Variants in DSCAML1 observed in about 807,000 individuals in gnomAD.
The protein encoded by DSCAML1 is DS cell adhesion molecule like 1.
In DSCAML1, 38 loss-of-function variants were observed where a neutral mutation model predicts 200.5. The ratio of observed to expected loss-of-function variants is 0.19; its 90% CI spans 0.15 to 0.25. DSCAML1 has a LOEUF of 0.25. Among genes scored for constraint, DSCAML1 ranks in the 10% least tolerant of loss-of-function variants. The pLI is 1.00. For missense variants in DSCAML1, 2,223 were observed against 2,858.8 expected (o/e 0.78, Z 5.07); for synonymous variants, 1,215 against 1,165.0 (o/e 1.04, Z -0.87).
rs551439516 is a variant in DSCAML1 at position 117,698,562 on chromosome 11, G to T, written c.511+78229C>A. On this transcript the variant is annotated intron_variant, in intron 3 of 32. Transcript: ENST00000651296. ...GTCCCAATTTCTCCACATCCACCTGGGGGTTTGATCTCTTGTTATTATTAT... is the reference window on the plus strand; with the variant it reads ...GTCCCAATTTCTCCACATCCACCTGTGGGTTTGATCTCTTGTTATTATTAT... Among the ~76,000 whole-genome samples, 11 of 152,170 alleles carry T rather than the reference G, an allele frequency of 7.2e-5. No individual in the cohort carries two copies. The South Asian group carries it at 2.3e-3, about 32-fold the overall frequency.
chr11:117,604,335 G>A (rs1245509510), intron 3 of DSCAML1, among the ~76,000 whole-genome samples: 2 of 151,506 alleles, frequency 1.3e-5, no homozygotes, highest in Non-Finnish European at 2.9e-5. Flanking sequence ...GAGAAAGGGT[G>A]ATCATGTTTT....
chr11:117,627,522 C>T (rs2052076466), intron 3 of DSCAML1, among the ~76,000 whole-genome samples: 1 of 152,102 alleles, frequency 6.6e-6, no homozygotes, highest in Non-Finnish European at 1.5e-5. Context: ...GTGCCTTCCC[C>T]TGAGCCGCTG....
At chr11:117,726,098 G>A (rs994974293) in intron 3 of DSCAML1, among the ~76,000 whole-genome samples, 2 of 152,238 alleles carry the variant, frequency 1.3e-5, no homozygotes, top group Non-Finnish European at 2.9e-5. Flanking sequence ...CACCACCCAC[G>A]AGAAGCAGGA....
Position 117,780,457 on chromosome 11 carries a change from C to G in DSCAML1, c.364+36G>C, listed in dbSNP as rs774541575. 1 of 1,415,268 alleles carries G rather than the reference C, an allele frequency of 7.1e-7. No homozygotes were observed. Among genetic ancestry groups the G allele is most frequent in the Non-Finnish European group, 9.3e-7 (1 of 1,080,178 alleles). The allele number at this position is 1,415,268 out of a possible 1,614,324, so 87.7% of individuals were successfully genotyped here. On this transcript the variant is annotated intron_variant, in intron 2 of 32. Coordinates refer to ENST00000651296, the MANE Select transcript of DSCAML1 (RefSeq NM_020693.4). The surrounding 1 kb of genome is among the most constrained non-coding windows in gnomAD (Gnocchi z 4.8). The stretch of plus-strand genomic sequence containing the variant: ...CTCAGAATGACGGCGCAGCCTCCTC[C>G]TGTGCCACTGGGGCAGCCAGTGTCT...
At chr11:117,460,361 G>A (rs1443091026) in intron 18 of DSCAML1, among the ~76,000 whole-genome samples, 1 of 152,152 alleles carries the variant, frequency 6.6e-6, no homozygotes, top group Admixed American at 6.5e-5. Context: ...TGTCTGGGCA[G>A]AGCAGAATCT....
intron 11 of DSCAML1, among the ~76,000 whole-genome samples, chr11:117,495,906 C>T (rs966468475): frequency 1.3e-5 from 2 of 152,218 alleles, no homozygotes; most frequent in African/African-American, 4.8e-5. Context: ...TCTAGTGCAT[C>T]ATGTCCAGAC....
intron 3 of DSCAML1, among the ~76,000 whole-genome samples, chr11:117,555,949 G>A (rs965498298): frequency 6.6e-6 from 1 of 151,878 alleles, no homozygotes; most frequent in Non-Finnish European, 1.5e-5. Flanking sequence ...CTTGAGGAGG[G>A]GCGGGGGAGG....
At chr11:117,605,326 G>C in intron 3 of DSCAML1, among the ~76,000 whole-genome samples, 3 of 152,154 alleles carry the variant, frequency 2.0e-5, no homozygotes, top group Admixed American at 2.0e-4. Context: ...GACCATGCCC[G>C]CACCTCCTGA....
chr11:117,568,057 G>C (rs2050786329), intron 3 of DSCAML1, among the ~76,000 whole-genome samples: 1 of 152,114 alleles, frequency 6.6e-6, no homozygotes, highest in Non-Finnish European at 1.5e-5. Flanking sequence ...TGGGATGCAA[G>C]GCTGGTTCAA....
chr11:117,529,584 C>T (rs2050037009), intron 4 of DSCAML1, among the ~76,000 whole-genome samples: 1 of 152,176 alleles, frequency 6.6e-6, no homozygotes, highest in African/African-American at 2.4e-5. Flanking sequence ...TCTCTCCCCA[C>T]CCCCAGCAAC....
chr11:117,717,920 G>C (rs572874523), intron 3 of DSCAML1, among the ~76,000 whole-genome samples: 2 of 152,300 alleles, frequency 1.3e-5, no homozygotes, highest in East Asian at 3.9e-4. Context: ...AGGAAATGAG[G>C]GGTGAGAAGA....
rs918450456 is a variant in DSCAML1, at chr11:117,480,772, A to G, written c.2657-201T>C. 1.3e-5 allele frequency among the ~76,000 whole-genome samples: 2 copies of G among 152,072 alleles called. No homozygotes were observed. Among genetic ancestry groups the G allele is most frequent in the African/African-American group, 4.8e-5 (2 of 41,412 alleles). On this transcript the variant is annotated intron_variant, in intron 13 of 32. Coordinates refer to ENST00000651296, the MANE Select transcript of DSCAML1 (RefSeq NM_020693.4). This position sits in a 1 kb window ranked among gnomAD's most constrained non-coding sequence, Gnocchi z 4.1. ...TGGCTTGCTCTCCTGTCTTGCTGCCATCTTGTTCTTGGCCTGGGAGAGGGC... is the reference window on the plus strand; with the variant it reads ...TGGCTTGCTCTCCTGTCTTGCTGCCGTCTTGTTCTTGGCCTGGGAGAGGGC...
intron 32 of DSCAML1, among the ~76,000 whole-genome samples, chr11:117,429,520 T>G (rs2047740614): frequency 1.3e-5 from 2 of 152,268 alleles, no homozygotes; most frequent in South Asian, 2.1e-4. Flanking sequence ...TACAGGCACG[T>G]GCCACCATGC....
At chr11:117,667,907 G>C (rs918989784) in intron 3 of DSCAML1, among the ~76,000 whole-genome samples, 4 of 152,194 alleles carry the variant, frequency 2.6e-5, no homozygotes, top group Non-Finnish European at 5.9e-5. Flanking sequence ...AGAAGGGAGG[G>C]ATATGGAATC....
rs866789601 is a variant in DSCAML1, at chr11:117,736,275, G to C, written c.511+40516C>G. 4.6e-5 allele frequency among the ~76,000 whole-genome samples: 7 copies of C among 152,266 alleles called. 1 individual carries two copies. Among genetic ancestry groups the C allele is most frequent in the Middle Eastern group, 6.8e-3 (2 of 294 alleles). ...TCCAGCTTACTCAGGTGTCTGCGTC[G>C]GGCCTTGATCTCTTCTGGCCGTTGG... On this transcript the variant is annotated intron_variant, in intron 3 of 32. Coordinates refer to ENST00000651296, the MANE Select transcript of DSCAML1 (RefSeq NM_020693.4).
intron 12 of DSCAML1, 95 bp downstream of exon 12, chr11:117,481,866 AGG>A: frequency 7.0e-7 from 1 of 1,428,860 alleles, no homozygotes; most frequent in Non-Finnish European, 9.7e-7. Context: ...AGGGGCTCCC[AGG>A]CTCCCCATTT....
chr11:117,568,382 G>C (rs915941698), intron 3 of DSCAML1, among the ~76,000 whole-genome samples: 4 of 152,126 alleles, frequency 2.6e-5, no homozygotes, highest in South Asian at 2.1e-4. Context: ...AGGGCAATCA[G>C]GCAGGAGAAG....
In DSCAML1 at chr11:117,441,259, C is replaced by T. The variant is rs78555546; in HGVS notation, c.3863-1323G>A. Among the ~76,000 whole-genome samples the T allele has an allele frequency of 5.2e-3, 795 of 152,264 alleles. 10 individuals are homozygous for T. Among genetic ancestry groups the T allele is most frequent in the African/African-American group, 0.018 (746 of 41,538 alleles). ...GAGGGGCAGGCTTGGCAGGAAGGAC[C>T]GGATGGCTTCATCTCATACTGAGTC... On this transcript the variant is annotated intron_variant, in intron 21 of 32. Transcript: ENST00000651296.
intron 3 of DSCAML1, among the ~76,000 whole-genome samples, chr11:117,612,199 T>C (rs1187939496): frequency 6.6e-6 from 1 of 152,200 alleles, no homozygotes; most frequent in Non-Finnish European, 1.5e-5. Context: ...TATTAGACTT[T>C]TAGAGACGCT....
Sources: allele counts gnomAD v4.1 joint callset (sites outside exome capture counted in the v4.1 genomes callset), GRCh38; gene constraint gnomAD v4.1.1; non-coding constraint Gnocchi (gnomAD v3.1); transcripts MANE v1.5; gene names NCBI Gene and HGNC (gene_info 2026-07-23, HGNC 2026-07-21).